CHD5: variants seen among roughly 807,000 people sequenced by gnomAD.
The protein encoded by CHD5 is chromodomain helicase DNA binding protein 5.
A neutral mutation model predicts 230.3 loss-of-function variants in CHD5; 69 were observed. The observed-to-expected ratio is 0.30, with a 90% CI of 0.25 to 0.37. The LOEUF (loss-of-function observed/expected upper bound fraction) is 0.37. Among genes scored for constraint, CHD5 ranks in the 10% least tolerant of loss-of-function variants. The pLI, the probability that CHD5 is intolerant of heterozygous loss-of-function variation, is 1.00. For synonymous variants in CHD5, 1,064 were observed against 1,065.9 expected, an observed-to-expected ratio of 1.00 and a Z score of 0.03; for missense variants, 1,827 against 2,622.8, an observed-to-expected ratio of 0.70 and a Z score of 6.63.
At position 6,157,808 on chromosome 1, in the gene CHD5, C is replaced by G. The variant is rs139002440; in HGVS notation, c.387+1528G>C. ...GGGATGATACTGTTACAGGGTGATC[C>G]TGAATCACTCTCTTAAGTGAAGCTT... is the stretch of plus-strand genomic sequence containing the variant. On this transcript the variant is annotated intron_variant, in intron 3 of 41. Coordinates refer to ENST00000262450, the MANE Select transcript of CHD5 (RefSeq NM_015557.3). Among the ~76,000 whole-genome samples, 89 of 152,292 alleles carry G rather than the reference C, an allele frequency of 5.8e-4. No homozygotes were observed. In the East Asian group the frequency reaches 0.015, roughly 25 times the overall value.
chr1:6,143,836 G>T lies in CHD5; in HGVS notation c.2030C>A (p.Thr677Lys). The T allele has an allele frequency of 6.2e-7, 1 of 1,611,494 alleles. No homozygotes were observed. Among genetic ancestry groups the T allele is most frequent in the Non-Finnish European group, 8.5e-7 (1 of 1,179,748 alleles). ...CTCCCCACTCACGTCCACAATGGGC[G>T]TGTCCGGCGGCTTCTCCTGCTTGTC... Reference protein sequence around the residue: ...RDDKQEKPPDTPIVDPTVKFD... With the variant: ...RDDKQEKPPDKPIVDPTVKFD... The change falls in exon 13 of 42, where the codon ACG (threonine) becomes AAG (lysine). Residue 677 changes from threonine (T) to lysine (K), a missense_variant. Coordinates refer to ENST00000262450, the MANE Select transcript of CHD5 (RefSeq NM_015557.3).
At chr1:6,174,841 G>A (rs984489800) in intron 1 of CHD5, among the ~76,000 whole-genome samples, 15 of 150,764 alleles carry the variant, frequency 9.9e-5, no homozygotes, top group South Asian at 4.3e-4. Context: ...ATAAATGGAT[G>A]AATGGATGAA....
rs1333064784 is a variant in CHD5, at chr1:6,121,365, C to T, written c.4780-128G>A. On this transcript the variant is annotated intron_variant, in intron 32 of 41. Coordinates refer to ENST00000262450, the MANE Select transcript of CHD5 (RefSeq NM_015557.3). The surrounding 1 kb of genome is among the most constrained non-coding windows in gnomAD (Gnocchi z 4.5). ...CGCTTGCTCCTAGCCTGCTCCCCGC[C>T]GATTCAGAGCCCCGAAAAGGGAGCC... 6.0e-6 allele frequency: 9 copies of T among 1,500,628 alleles called. No homozygotes were observed. Among genetic ancestry groups the T allele is most frequent in the South Asian group, 5.9e-5 (5 of 85,264 alleles). 93.0% of individuals were successfully genotyped at this position (1,500,628 alleles called of 1,614,324 possible).
rs1666378709 is a variant in CHD5, at chr1:6,116,328, T to C, written c.4913-3330A>G. 1.3e-5 allele frequency among the ~76,000 whole-genome samples: 2 copies of C among 152,050 alleles called. 1 individual carries two copies. Among genetic ancestry groups the C allele is most frequent in the African/African-American group, 4.8e-5 (2 of 41,394 alleles). On this transcript the variant is annotated intron_variant, in intron 33 of 41. Transcript: ENST00000262450. The stretch of plus-strand genomic sequence containing the variant: ...TAATAGGAATTCCAGAAGGACAAAA[T>C]AAACATAATGAGGGCAAAGAAAATA...
At position 6,125,038 on chromosome 1, in the gene CHD5, C is replaced by A; in HGVS notation, c.4394+62G>T. ...TGCTGCCCTCTGTGGGGCTCACCCG[C>A]AGGACCCTGCCCTACTCAGGGGCAG... On this transcript the variant is annotated intron_variant, in intron 29 of 41. Coordinates refer to ENST00000262450, the MANE Select transcript of CHD5 (RefSeq NM_015557.3). This position sits in a 1 kb window ranked among gnomAD's most constrained non-coding sequence, Gnocchi z 6.7. 6.9e-7 allele frequency: 1 copy of A among 1,445,948 alleles called. No individual in the cohort carries two copies. Among genetic ancestry groups the A allele is most frequent in the Non-Finnish European group, 9.2e-7 (1 of 1,090,512 alleles). The allele number at this position is 1,445,948 out of a possible 1,614,324, so 89.6% of individuals were successfully genotyped here. A position where few individuals can be genotyped will look rare whatever the true frequency, so the allele number is the denominator to read the frequency against.
rs556533932 is a variant in CHD5, at chr1:6,125,300, T to C, written c.4261-67A>G. The C allele has an allele frequency of 1.3e-5, 18 of 1,348,686 alleles. No homozygotes were observed. In the East Asian group the frequency reaches 4.5e-4, roughly 34 times the overall value. 83.5% of individuals were successfully genotyped at this position (1,348,686 alleles called of 1,614,324 possible). A position where few individuals can be genotyped will look rare whatever the true frequency, so the allele number is the denominator to read the frequency against. ...GGGGTGGGGGTGGAGGATTCTGGGATGGGGGAAGAAAAGCATGGGAGGAGG... is the reference window on the plus strand; with the variant it reads ...GGGGTGGGGGTGGAGGATTCTGGGACGGGGGAAGAAAAGCATGGGAGGAGG... On this transcript the variant is annotated intron_variant, in intron 28 of 41. Coordinates refer to ENST00000262450, the MANE Select transcript of CHD5 (RefSeq NM_015557.3). The surrounding 1 kb of genome is among the most constrained non-coding windows in gnomAD (Gnocchi z 6.7).
chr1:6,179,835 C>T, intron 1 of CHD5, 110 bp downstream of exon 1: 2 of 383,760 alleles, frequency 5.2e-6, no homozygotes, highest in Non-Finnish European at 7.1e-6. Flanking sequence ...GCCCCTCCTG[C>T]GAGGCGCCAG....
Position 6,121,801 on chromosome 1 carries a change from G to C in CHD5, c.4700-228C>G, listed in dbSNP as rs1666475641. The stretch of plus-strand genomic sequence containing the variant: ...ACCTTGAACCCAGTAAGACCAAAGT[G>C]AGGGGCTGTCAGGACGGGGCCGCAC... On this transcript the variant is annotated intron_variant, in intron 31 of 41. Transcript: ENST00000262450. The surrounding 1 kb of genome is among the most constrained non-coding windows in gnomAD (Gnocchi z 4.5). Among the ~76,000 whole-genome samples, 1 of 152,208 alleles carries C rather than the reference G, an allele frequency of 6.6e-6. No homozygotes were observed. The highest frequency in any genetic ancestry group is 2.4e-5 in the African/African-American group (1 of 41,452).
intron 1 of CHD5, among the ~76,000 whole-genome samples, chr1:6,169,149 G>A (rs1667298194): frequency 6.6e-6 from 1 of 152,186 alleles, no homozygotes; most frequent in African/African-American, 2.4e-5. Context: ...GGGTTTGAGA[G>A]GATGCCACCT....
At chr1:6,175,367 CATGGATGGATGGT>C (rs1667409320) in intron 1 of CHD5, among the ~76,000 whole-genome samples, 1 of 87,236 alleles carries the variant, frequency 1.1e-5, no homozygotes, top group African/African-American at 5.0e-5. Context: ...TGGATGGATG[CATGGATGGATGGT>C]GGATGGATGC....
intron 38 of CHD5, 69 bp from the exon 39 acceptor site, chr1:6,106,848 ATGGAGGGATGGAGGGG>A: frequency 5.9e-6 from 2 of 341,598 alleles, no homozygotes; most frequent in Non-Finnish European, 1.1e-5. Flanking sequence ...GAGTGGAAGG[ATGGAGGGATGGAGGGG>A]TGGAGGGGTG....
rs2100863013 is a variant in CHD5, at chr1:6,148,863, C to T, written c.1374G>A (p.Pro458=). The change falls in exon 9 of 42, where the codon CCG becomes CCA. Residue 458 remains proline (P), a synonymous_variant. Coordinates refer to ENST00000262450, the MANE Select transcript of CHD5 (RefSeq NM_015557.3). ...CGGGCGGAACACTCACAGTACAGCG[C>T]GGGCAGAGCCATTCACCGTTTGGGA... The part of the protein sequence containing the change: ...PEIPNGEWLC[P]RCTCPPLKGK... 1.3e-6 allele frequency: 2 copies of T among 1,559,604 alleles called. No homozygotes were observed. Among genetic ancestry groups the T allele is most frequent in the Middle Eastern group, 4.1e-4 (2 of 4,850 alleles).
At chr1:6,127,944 C>T (rs1175862575) in intron 25 of CHD5, 102 bp downstream of exon 25, 6 of 943,436 alleles carry the variant, frequency 6.4e-6, no homozygotes, top group Non-Finnish European at 7.3e-6. Context: ...GGGCTGGCTG[C>T]GGCGGGAGGG....
rs1211143243 is a variant in CHD5 at position 6,103,581 on chromosome 1, G to A, written c.*1893C>T. The A allele has an allele frequency of 6.6e-6, 1 of 152,342 alleles. No homozygotes were observed. The highest frequency in any genetic ancestry group is 1.9e-4 in the East Asian group (1 of 5,198). 9.4% of individuals were successfully genotyped at this position (152,342 alleles called of 1,614,324 possible). On this transcript the variant is annotated 3_prime_UTR_variant, in exon 42 of 42. Coordinates refer to ENST00000262450, the MANE Select transcript of CHD5 (RefSeq NM_015557.3). Reference sequence around the variant, plus strand: ...TTTGGGGACGAGGGCACGGGAGTGAGCTTCTGACCCGAGCCAGGACCCTTT... The same window carrying A: ...TTTGGGGACGAGGGCACGGGAGTGAACTTCTGACCCGAGCCAGGACCCTTT...
At position 6,178,582 on chromosome 1, in the gene CHD5, C is replaced by A. The variant is rs564570969; in HGVS notation, c.79+1363G>T. Among the ~76,000 whole-genome samples, 202 of 152,068 alleles carry A rather than the reference C, an allele frequency of 1.3e-3. 1 individual carries two copies. The highest frequency in any genetic ancestry group is 4.5e-3 in the African/African-American group (188 of 41,478). ...GGAGAATGGGTCTAATTCCAAGGACCCAGGATATGACAGTCAACTATTGTC... is the reference window on the plus strand; with the variant it reads ...GGAGAATGGGTCTAATTCCAAGGACACAGGATATGACAGTCAACTATTGTC... On this transcript the variant is annotated intron_variant, in intron 1 of 41. Transcript: ENST00000262450.
chr1:6,138,096 C>A (rs942117558), intron 15 of CHD5, among the ~76,000 whole-genome samples: 4 of 152,228 alleles, frequency 2.6e-5, no homozygotes, highest in African/African-American at 9.6e-5. Context: ...CAAATTTAGG[C>A]CAGGCACAGT....
In CHD5 at chr1:6,129,493, G is replaced by A. The variant is rs900113450; in HGVS notation, c.3388-424C>T. Among the ~76,000 whole-genome samples the A allele has an allele frequency of 2.6e-5, 4 of 152,196 alleles. No individual in the cohort carries two copies. On this transcript the variant is annotated intron_variant, in intron 22 of 41. Coordinates refer to ENST00000262450, the MANE Select transcript of CHD5 (RefSeq NM_015557.3). This position sits in a 1 kb window ranked among gnomAD's most constrained non-coding sequence, Gnocchi z 6.8. ...GGAGACACGCAGCCACCTTCTGAGG[G>A]CAGCAAGGAGCTGAATCTGCCCAGT... is the stretch of plus-strand genomic sequence containing the variant.
chr1:6,167,258 G>A lies in CHD5; in HGVS notation c.207+892C>T, dbSNP rs1308419780. Among the ~76,000 whole-genome samples, 1 of 152,180 alleles carries A rather than the reference G, an allele frequency of 6.6e-6. No individual in the cohort carries two copies. Among genetic ancestry groups the A allele is most frequent in the African/African-American group, 2.4e-5 (1 of 41,440 alleles). On this transcript the variant is annotated intron_variant, in intron 2 of 41. Coordinates refer to ENST00000262450, the MANE Select transcript of CHD5 (RefSeq NM_015557.3). This position sits in a 1 kb window ranked among gnomAD's most constrained non-coding sequence, Gnocchi z 4.5. ...GTGGCTGGTGGAGCTGACAGCCCTG[G>A]ATTCAGATCTCAGCACCACCACTGT... is the stretch of plus-strand genomic sequence containing the variant.
chr1:6,158,271 C>T (rs1006905614), intron 3 of CHD5, among the ~76,000 whole-genome samples: 2 of 152,200 alleles, frequency 1.3e-5, no homozygotes, highest in South Asian at 2.1e-4. Flanking sequence ...ACGCTGGGCC[C>T]AGGGGAGAGC....
Sources: allele counts gnomAD v4.1 joint callset (sites outside exome capture counted in the v4.1 genomes callset), GRCh38; gene constraint gnomAD v4.1.1; non-coding constraint Gnocchi (gnomAD v3.1); transcripts MANE v1.5; gene names NCBI Gene and HGNC (gene_info 2026-07-23, HGNC 2026-07-21).